Variants in EPN1 observed in about 807,000 individuals in gnomAD.
The protein encoded by EPN1 is epsin 1.
Under a neutral mutation model 56.9 loss-of-function variants are expected in EPN1, and 25 were observed. The ratio of observed to expected loss-of-function variants is 0.44; its 90% CI spans 0.32 to 0.61. The LOEUF is 0.61. Among genes scored for constraint, EPN1 ranks in the 20% least tolerant of loss-of-function variants. The probability of loss-of-function intolerance (pLI) is 0.05; values close to 1 mark genes in which losing one functional copy is unlikely to be tolerated. For missense variants in EPN1, 785 were observed against 823.7 expected (o/e 0.95, Z 0.58); for synonymous variants, 411 against 361.8 (o/e 1.14, Z -1.54).
Position 55,678,800 on chromosome 19 carries a change from G to A in EPN1, c.173G>A (p.Ser58Asn). 1 of 1,614,104 alleles carries A rather than the reference G, an allele frequency of 6.2e-7. No homozygotes were observed. Among genetic ancestry groups the A allele is most frequent in the Non-Finnish European group, 8.5e-7 (1 of 1,179,970 alleles). The change falls in exon 2 of 11, where the codon AGC becomes AAC. Residue 58 changes from serine (S) to asparagine (N), a missense_variant. Coordinates refer to ENST00000270460, the MANE Select transcript of EPN1 (RefSeq NM_001130072.2). ...YNVVAFSEIM[S>N]MIWKRLNDHG... is the part of the protein sequence containing the mutation. The stretch of plus-strand genomic sequence containing the variant: ...GTTGTCGCCTTCTCGGAGATCATGA[G>A]CATGATCTGGAAGCGGCTCAATGAC...
chr19:55,705,966 T>C lies in EPN1; in HGVS notation c.*10610T>C, dbSNP rs1178476900. ...AGTATAAAGTGTAAGACAAAATAAG[T>C]CTTAGTTCAGGTATGCTGGATGGGA... On this transcript the variant is annotated 3_prime_UTR_variant, in exon 11 of 11. Coordinates refer to ENST00000270460, the MANE Select transcript of EPN1 (RefSeq NM_001130072.2). 6.3e-6 allele frequency: 1 copy of C among 157,488 alleles called. No homozygotes were observed. Among genetic ancestry groups the C allele is most frequent in the Non-Finnish European group, 1.4e-5 (1 of 71,614 alleles). 9.8% of individuals were successfully genotyped at this position (157,488 alleles called of 1,614,324 possible).
chr19:55,683,233 T>C (rs1396402003), intron 2 of EPN1, among the ~76,000 whole-genome samples: 2 of 151,180 alleles, frequency 1.3e-5, no homozygotes, highest in Non-Finnish European at 2.9e-5. Context: ...TTTTTTGTAT[T>C]TTTAGTAGAG....
Position 55,691,239 on chromosome 19 carries a change from C to T in EPN1, c.763-515C>T, listed in dbSNP as rs751603916. 2.6e-5 allele frequency among the ~76,000 whole-genome samples: 4 copies of T among 151,686 alleles called. No homozygotes were observed. Among genetic ancestry groups the T allele is most frequent in the East Asian group, 1.9e-4 (1 of 5,168 alleles). On this transcript the variant is annotated intron_variant, in intron 6 of 10. Transcript: ENST00000270460. The surrounding 1 kb of genome is among the most constrained non-coding windows in gnomAD (Gnocchi z 5.6). ...CAGCGCGATGACTGCGGGGTGACGG[C>T]GGGGCAACGTAGGGGGCATCGTGAG...
At chr19:55,687,449 G>A (rs78809531) in intron 3 of EPN1, among the ~76,000 whole-genome samples, 1 of 152,160 alleles carries the variant, frequency 6.6e-6, no homozygotes, top group Non-Finnish European at 1.5e-5. Context: ...TGTGGGAGGT[G>A]GGGCCCTCAG....
chr19:55,685,306 A>G lies in EPN1; in HGVS notation c.229-90A>G, dbSNP rs1261560239. 3.3e-6 allele frequency: 5 copies of G among 1,505,156 alleles called. No individual in the cohort carries two copies. The African/African-American group carries it at 5.5e-5, about 17-fold the overall frequency. 93.2% of individuals were successfully genotyped at this position (1,505,156 alleles called of 1,614,324 possible). On this transcript the variant is annotated intron_variant, in intron 2 of 10. Coordinates refer to ENST00000270460, the MANE Select transcript of EPN1 (RefSeq NM_001130072.2). ...CAGGTGGGTTGTGGGCCTTGCGCCC[A>G]GTCGGCCGCCCCAGAGCCCGCGTCG...
intron 1 of EPN1, chr19:55,677,406 T>C (rs10415521): frequency 0.12 from 76,041 of 656,000 alleles, 5,686 homozygotes; most frequent in East Asian, 0.27. Context: ...CTTGACTCTC[T>C]TGTTTCTCGT....
chr19:55,678,739 T>A lies in EPN1; in HGVS notation c.112T>A (p.Ser38Thr). 1.2e-6 allele frequency: 2 copies of A among 1,614,020 alleles called. No homozygotes were observed. The highest frequency in any genetic ancestry group is 1.7e-6 in the Non-Finnish European group (2 of 1,179,998). The change falls in exon 2 of 11, where the codon TCC becomes ACC. Residue 38 changes from serine to threonine, a missense_variant. Physicochemically the swap from Ser to Thr is moderately conservative, Grantham distance 58. This residue lies in a region of EPN1 where 135 missense variants were observed against 218.7 expected (regional missense o/e 0.62). Coordinates refer to ENST00000270460, the MANE Select transcript of EPN1 (RefSeq NM_001130072.2). ...CAATGACCCCTGGGGCCCATCCAGC[T>A]CCCTCATGTCAGAGATTGCCGACCT... is the stretch of plus-strand genomic sequence containing the variant. ...TSNDPWGPSS[S>T]LMSEIADLTY...
rs1986516920 is a variant in EPN1 at position 55,691,136 on chromosome 19, C to T, written c.763-618C>T. Among the ~76,000 whole-genome samples, 2 of 152,128 alleles carry T rather than the reference C, an allele frequency of 1.3e-5. No individual in the cohort carries two copies. The highest frequency in any genetic ancestry group is 1.5e-5 in the Non-Finnish European group (1 of 68,034). On this transcript the variant is annotated intron_variant, in intron 6 of 10. Transcript: ENST00000270460. This position sits in a 1 kb window ranked among gnomAD's most constrained non-coding sequence, Gnocchi z 5.6. Reference sequence around the variant, plus strand: ...CTTCCAGAACACAGGACCATGCATGCGTGTGCGTGCGGCATGGGAAGACCT... The same window carrying T: ...CTTCCAGAACACAGGACCATGCATGTGTGTGCGTGCGGCATGGGAAGACCT...
rs112998511 is a variant in EPN1, at chr19:55,701,221, C to T, written c.*5865C>T. Reference sequence around the variant, plus strand: ...ATCCTAGCACTTTGGGAGGCCGAGGCGGGCGGATCACGAGGTCAGGAGTTC... The same window carrying T: ...ATCCTAGCACTTTGGGAGGCCGAGGTGGGCGGATCACGAGGTCAGGAGTTC... On this transcript the variant is annotated 3_prime_UTR_variant, in exon 11 of 11. Transcript: ENST00000270460. 0.017 allele frequency: 2,552 copies of T among 152,212 alleles called. 32 individuals carry two copies. Among genetic ancestry groups the T allele is most frequent in the Non-Finnish European group, 0.026 (1,736 of 68,024 alleles). The allele number at this position is 152,212 out of a possible 1,614,324, so 9.4% of individuals were successfully genotyped here. A position where few individuals can be genotyped will look rare whatever the true frequency, so the allele number is the denominator to read the frequency against.
intron 1 of EPN1, chr19:55,677,006 T>C (rs1212715348): frequency 5.6e-6 from 6 of 1,077,096 alleles, no homozygotes; most frequent in Non-Finnish European, 7.8e-6. Context: ...GTTTTGGGAC[T>C]CCAGAGAGTT....
rs766693268 is a variant in EPN1 at position 55,678,594 on chromosome 19, G to T, written c.-34G>T. The stretch of plus-strand genomic sequence containing the variant: ...GTCGCCCCATCTCTCCACGCATCGG[G>T]GCCCTGTGCCCCTTGCTGCTGCAGC... On this transcript the variant is annotated 5_prime_UTR_variant, in exon 2 of 11. Coordinates refer to ENST00000270460, the MANE Select transcript of EPN1 (RefSeq NM_001130072.2). 4.7e-5 allele frequency: 75 copies of T among 1,581,914 alleles called. No homozygotes were observed. Among genetic ancestry groups the T allele is most frequent in the Non-Finnish European group, 6.3e-5 (73 of 1,165,786 alleles).
intron 7 of EPN1, 73 bp from the exon 8 acceptor site, chr19:55,692,613 G>T (rs1316822167): frequency 5.0e-6 from 5 of 1,006,338 alleles, no homozygotes; most frequent in South Asian, 3.6e-5. Flanking sequence ...CACAGATTTG[G>T]AGGCAATGGT....
chr19:55,676,988 C>T (rs540603254), intron 1 of EPN1: 2 of 756,806 alleles, frequency 2.6e-6, no homozygotes, highest in Non-Finnish European at 2.1e-6. Flanking sequence ...ATGTATTAGG[C>T]TGGGGCTGTT....
At position 55,701,869 on chromosome 19, in the gene EPN1, G is replaced by A. The variant is rs1987156505; in HGVS notation, c.*6513G>A. 6.6e-6 allele frequency: 1 copy of A among 152,024 alleles called. No individual in the cohort carries two copies. Among genetic ancestry groups the A allele is most frequent in the African/African-American group, 2.4e-5 (1 of 41,340 alleles). The allele number at this position is 152,024 out of a possible 1,614,324, so 9.4% of individuals were successfully genotyped here. On this transcript the variant is annotated 3_prime_UTR_variant, in exon 11 of 11. Coordinates refer to ENST00000270460, the MANE Select transcript of EPN1 (RefSeq NM_001130072.2). ...TTTTATAGATGGGCTAGTGAGGAGGGGTGTCTTTTCTTCCTAGGGCCTGAA... is the reference window on the plus strand; with the variant it reads ...TTTTATAGATGGGCTAGTGAGGAGGAGTGTCTTTTCTTCCTAGGGCCTGAA...
chr19:55,687,567 T>G (rs1052712268), intron 3 of EPN1, among the ~76,000 whole-genome samples: 6 of 148,908 alleles, frequency 4.0e-5, no homozygotes, highest in African/African-American at 1.5e-4. Context: ...CCTCTGAGAG[T>G]CCCTAGAGCT....
rs1986832068 is a variant in EPN1, at chr19:55,695,076, C to T, written c.1523-72C>T. 1.2e-6 allele frequency: 2 copies of T among 1,606,720 alleles called. No homozygotes were observed. The highest frequency in any genetic ancestry group is 1.7e-6 in the Non-Finnish European group (2 of 1,175,962). On this transcript the variant is annotated intron_variant, in intron 10 of 10. Transcript: ENST00000270460. This position sits in a 1 kb window ranked among gnomAD's most constrained non-coding sequence, Gnocchi z 4.4. ...GCAGGGACACTTCGCCCTTTGCCTG[C>T]ACATGCTGGATGGACACAGGTGGGC...
At position 55,691,636 on chromosome 19, in the gene EPN1, T is replaced by C; in HGVS notation, c.763-118T>C. 1.2e-6 allele frequency: 1 copy of C among 824,198 alleles called. No homozygotes were observed. Among genetic ancestry groups the C allele is most frequent in the South Asian group, 1.6e-5 (1 of 62,798 alleles). The allele number at this position is 824,198 out of a possible 1,614,324, so 51.1% of individuals were successfully genotyped here. A position where few individuals can be genotyped will look rare whatever the true frequency, so the allele number is the denominator to read the frequency against. ...CTGCCTCCCTCTCACCCCTTATGGA[T>C]GGCTGCTGTCTGGACACCCAGGGCC... On this transcript the variant is annotated intron_variant, in intron 6 of 10. Coordinates refer to ENST00000270460, the MANE Select transcript of EPN1 (RefSeq NM_001130072.2). This position sits in a 1 kb window ranked among gnomAD's most constrained non-coding sequence, Gnocchi z 5.6.
At chr19:55,675,883 GT>G (rs1361006890) in intron 1 of EPN1, among the ~76,000 whole-genome samples, 2 of 152,092 alleles carry the variant, frequency 1.3e-5, no homozygotes, top group African/African-American at 4.8e-5. Flanking sequence ...TCGCATCTGA[GT>G]TTTGCCCCCA....
At position 55,706,130 on chromosome 19, in the gene EPN1, G is replaced by T; in HGVS notation, c.*10774G>T. Reference sequence around the variant, plus strand: ...GCATGTGCAGGTTTATGAGACTGGAGAACTTTGATTTCTTCTTCCTCCTCC... The same window carrying T: ...GCATGTGCAGGTTTATGAGACTGGATAACTTTGATTTCTTCTTCCTCCTCC... On this transcript the variant is annotated 3_prime_UTR_variant, in exon 11 of 11. Coordinates refer to ENST00000270460, the MANE Select transcript of EPN1 (RefSeq NM_001130072.2). The T allele has an allele frequency of 4.4e-6, 1 of 226,592 alleles. No homozygotes were observed. The allele number at this position is 226,592 out of a possible 1,614,324, so 14.0% of individuals were successfully genotyped here. A position where few individuals can be genotyped will look rare whatever the true frequency, so the allele number is the denominator to read the frequency against.
Sources: gnomAD v4.1 joint callset for allele counts (sites outside exome capture counted in the v4.1 genomes callset) on GRCh38, gnomAD v4.1.1 for gene constraint, gnomAD v4.1.1 regional missense constraint, Gnocchi (gnomAD v3.1) non-coding constraint, MANE v1.5 for transcripts, NCBI Gene and HGNC (gene_info 2026-07-23, HGNC 2026-07-21) for gene names.